The following OTOA variants were observed in gnomAD, a reference collection of about 807,000 sequenced individuals.
The protein encoded by OTOA is otoancorin, also known as cancer/testis antigen 108.
A neutral mutation model predicts 110.8 loss-of-function variants in OTOA; 70 were observed. The ratio of observed to expected loss-of-function variants is 0.63; its 90% confidence interval spans 0.52 to 0.77. OTOA has a LOEUF of 0.77. OTOA is among the 30% of genes least tolerant of loss of function. The pLI is 0.00. For missense variants in OTOA, 917 were observed against 1,075.8 expected (o/e 0.85, Z 2.06); for synonymous variants, 373 against 431.5 (o/e 0.86, Z 1.68).
chr16:21,681,918 T>G, intron 6 of OTOA, 93 bp downstream of exon 6: 1 of 1,164,080 alleles, frequency 8.6e-7, no homozygotes. Flanking sequence ...GGGCTGGATG[T>G]AGAGATAGTC....
chr16:21,696,295 GA>G (rs1897939564), intron 9 of OTOA, among the ~76,000 whole-genome samples: 1 of 152,064 alleles, frequency 6.6e-6, no homozygotes, highest in Non-Finnish European at 1.5e-5. Flanking sequence ...AGTGGAGGGA[GA>G]AAGTACTTCT....
chr16:21,708,954 C>T (rs373392864), intron 12 of OTOA, among the ~76,000 whole-genome samples: 1 of 152,044 alleles, frequency 6.6e-6, no homozygotes, highest in East Asian at 1.9e-4. Flanking sequence ...CAAAGAGGTG[C>T]AAGAGATAAT....
At chr16:21,686,164 G>A (rs1438606513) in intron 7 of OTOA, among the ~76,000 whole-genome samples, 1 of 152,140 alleles carries the variant, frequency 6.6e-6, no homozygotes, top group Admixed American at 6.6e-5. Flanking sequence ...CCTGGGACTG[G>A]AACCTGGGAA....
chr16:21,677,479 CTTTTTT>C (rs778223383), intron 1 of OTOA, among the ~76,000 whole-genome samples: 1 of 116,922 alleles, frequency 8.6e-6, no homozygotes, highest in Admixed American at 9.3e-5. Context: ...AGCTTCATAT[CTTTTTT>C]TTTTTTTTTT....
At chr16:21,667,966 C>G (rs987667411) in intron 1 of OTOA, among the ~76,000 whole-genome samples, 1 of 148,176 alleles carries the variant, frequency 6.7e-6, no homozygotes, top group Non-Finnish European at 1.5e-5. Context: ...GTGGGTGGTA[C>G]TTTACTAACC....
At chr16:21,696,482 A>G (rs1255849350) in intron 9 of OTOA, among the ~76,000 whole-genome samples, 2 of 152,156 alleles carry the variant, frequency 1.3e-5, no homozygotes, top group Non-Finnish European at 2.9e-5. Context: ...TGGTTCAAGT[A>G]TAGTAACATG....
In OTOA at chr16:21,704,813, CGG is replaced by C. The variant is rs1898122675; in HGVS notation, c.981-355_981-354del. 1.0e-4 allele frequency: 72 copies of C among 711,416 alleles called. No individual in the cohort carries two copies. In the Admixed American group the frequency reaches 1.2e-3, roughly 12 times the overall value. The allele number at this position is 711,416 out of a possible 1,614,324, so 44.1% of individuals were successfully genotyped here. ...TGGGGACTGGGGCAGGTTTTATAGG[CGG>C]AGGGTAATGAGACTTGATCTGATTG... On this transcript the variant is annotated intron_variant, in intron 11 of 28. Coordinates refer to ENST00000646100, the MANE Select transcript of OTOA (RefSeq NM_144672.4).
At position 21,666,481 on chromosome 16, in the gene OTOA, C is replaced by T. The variant is rs983368171; in HGVS notation, c.-5+2249C>T. ...TGATCCATGGGTTGACCAACTCCTCCGGGTTTGCCTGTGACTTTCTGGTTT... is the reference window on the plus strand; with the variant it reads ...TGATCCATGGGTTGACCAACTCCTCTGGGTTTGCCTGTGACTTTCTGGTTT... On this transcript the variant is annotated intron_variant, in intron 1 of 28. Coordinates refer to ENST00000646100, the MANE Select transcript of OTOA (RefSeq NM_144672.4). 5.3e-5 allele frequency among the ~76,000 whole-genome samples: 8 copies of T among 152,120 alleles called. No homozygotes were observed. The South Asian group carries it at 1.0e-3, about 20-fold the overall frequency.
intron 11 of OTOA, among the ~76,000 whole-genome samples, chr16:21,704,590 C>A (rs1270402434): frequency 6.6e-6 from 1 of 152,110 alleles, no homozygotes; most frequent in Admixed American, 6.6e-5. Flanking sequence ...ATAATCAAGA[C>A]CCCATTGGTT....
intron 28 of OTOA, 140 bp from the exon 29 acceptor site, chr16:21,760,330 G>A: frequency 1.5e-6 from 1 of 664,030 alleles, no homozygotes; most frequent in East Asian, 3.5e-5. Context: ...GGGGATCATT[G>A]TTCCCATTTA....
intron 11 of OTOA, among the ~76,000 whole-genome samples, chr16:21,704,244 G>C (rs1281788691): frequency 6.6e-6 from 1 of 152,080 alleles, no homozygotes; most frequent in African/African-American, 2.4e-5. Flanking sequence ...GTACCAGAAG[G>C]CATCCTAGAA....
At chr16:21,685,110 G>A in intron 6 of OTOA, 120 bp from the exon 7 acceptor site, 6 of 1,391,724 alleles carry the variant, frequency 4.3e-6, no homozygotes, top group African/African-American at 1.4e-5. Context: ...CCAGACTGCT[G>A]GCCACTAGTT....
At chr16:21,690,428 A>G (rs11641524) in intron 8 of OTOA, among the ~76,000 whole-genome samples, 10,536 of 151,908 alleles carry the variant, frequency 0.069, 444 homozygotes, top group Middle Eastern at 0.086. Flanking sequence ...TCCACTTACA[A>G]GTGAGAACAT....
At chr16:21,695,399 G>A (rs1897912638) in intron 9 of OTOA, among the ~76,000 whole-genome samples, 1 of 151,848 alleles carries the variant, frequency 6.6e-6, no homozygotes, top group East Asian at 1.9e-4. Flanking sequence ...CCAAGCTTGG[G>A]GATGATTGAT....
At chr16:21,701,557 G>A (rs1404077048) in intron 11 of OTOA, among the ~76,000 whole-genome samples, 1 of 152,140 alleles carries the variant, frequency 6.6e-6, no homozygotes, top group Admixed American at 6.6e-5. Flanking sequence ...AGGGGTGTCA[G>A]GAAGGGAGTG....
chr16:21,669,439 C>T (rs1234876199), intron 1 of OTOA, among the ~76,000 whole-genome samples: 1 of 151,730 alleles, frequency 6.6e-6, no homozygotes, highest in African/African-American at 2.4e-5. Context: ...TCTGACAGCA[C>T]CTCTCCCCTA....
At chr16:21,727,360 T>G (rs1898955639) in intron 19 of OTOA, among the ~76,000 whole-genome samples, 1 of 152,150 alleles carries the variant, frequency 6.6e-6, no homozygotes, top group Admixed American at 6.6e-5. Flanking sequence ...ATGTATTATT[T>G]AATGTAAAGG....
At chr16:21,665,613 G>A (rs1411821511) in intron 1 of OTOA, among the ~76,000 whole-genome samples, 1 of 152,128 alleles carries the variant, frequency 6.6e-6, no homozygotes, top group Non-Finnish European at 1.5e-5. Context: ...GGAGGGTTTG[G>A]TGTGATGCCC....
intron 8 of OTOA, among the ~76,000 whole-genome samples, chr16:21,688,356 T>C (rs918946711): frequency 6.6e-6 from 1 of 151,842 alleles, no homozygotes; most frequent in Admixed American, 6.6e-5. Flanking sequence ...GCCACTGCAC[T>C]CCAACCTGGG....
Sources: allele counts gnomAD v4.1 joint callset (sites outside exome capture counted in the v4.1 genomes callset), GRCh38; gene constraint gnomAD v4.1.1; transcripts MANE v1.5; gene names NCBI Gene and HGNC (gene_info 2026-07-23, HGNC 2026-07-21).